The following PDE8B variants were observed in gnomAD, a reference collection of about 807,000 sequenced individuals.
PDE8B encodes the protein phosphodiesterase 8B.
PDE8B carries 26 observed loss-of-function variants against 101.3 expected under a neutral mutation model. That is an observed-to-expected ratio of 0.26 (90% CI 0.19 to 0.36). The LOEUF is 0.36. PDE8B is among the 10% of genes least tolerant of loss of function. PDE8B has a pLI of 1.00. For synonymous variants in PDE8B, 424 were observed against 429.3 expected (o/e 0.99, Z 0.15); for missense variants, 810 against 1,163.1 (o/e 0.70, Z 4.42).
chr5:77,135,326 C>T, the PDE8B span, among the ~76,000 whole-genome samples: 43 of 152,218 alleles, frequency 2.8e-4, no homozygotes, highest in Non-Finnish European at 4.4e-4. Context: ...CTAATCTCAT[C>T]TTGACATCTA....
At position 77,211,222 on chromosome 5, in the gene PDE8B, C is replaced by T. The variant is rs1181101523; in HGVS notation, c.297C>T (p.Ser99=). ...TSRGRRRHCC[S]SAEAETQTCY... ...GGGGCCGGAGGCGCCACTGCTGCAGCAGCGCCGAGGCCGAGACTCAGACCT... is the reference window on the plus strand; with the variant it reads ...GGGGCCGGAGGCGCCACTGCTGCAGTAGCGCCGAGGCCGAGACTCAGACCT... The change falls in exon 1 of 22, where the codon AGC becomes AGT. Residue 99 remains serine, a synonymous_variant. Coordinates refer to ENST00000264917, the MANE Select transcript of PDE8B (RefSeq NM_003719.5). This position sits in a 1 kb window ranked among gnomAD's most constrained non-coding sequence, Gnocchi z 4.1. The T allele has an allele frequency of 6.4e-7, 1 of 1,572,870 alleles. No individual in the cohort carries two copies. The highest frequency in any genetic ancestry group is 1.1e-5 in the South Asian group (1 of 87,592).
At chr5:77,196,287 C>A in the PDE8B span, among the ~76,000 whole-genome samples, 3 of 152,062 alleles carry the variant, frequency 2.0e-5, no homozygotes, top group Admixed American at 1.3e-4. Flanking sequence ...TTGATGAAGT[C>A]CAGTTTAGTT....
the PDE8B span, among the ~76,000 whole-genome samples, chr5:77,173,527 GAAAAAGC>G: frequency 6.6e-6 from 1 of 152,058 alleles, no homozygotes; most frequent in African/African-American, 2.4e-5. Context: ...GTAATGGGAG[GAAAAAGC>G]AATTTGGGGA....
chr5:77,161,892 G>A, the PDE8B span, among the ~76,000 whole-genome samples: 3 of 151,024 alleles, frequency 2.0e-5, no homozygotes, highest in East Asian at 5.8e-4. Context: ...ATCTTTTTAT[G>A]TGCTTATTGG....
chr5:77,180,788 C>T, the PDE8B span, among the ~76,000 whole-genome samples: 3 of 152,206 alleles, frequency 2.0e-5, no homozygotes, highest in Admixed American at 6.5e-5. Flanking sequence ...TCAGCAGGAG[C>T]TGGACCTGTT....
the PDE8B span, among the ~76,000 whole-genome samples, chr5:77,185,519 A>T: frequency 6.6e-6 from 1 of 152,134 alleles, no homozygotes; most frequent in Admixed American, 6.5e-5. Flanking sequence ...TCTATCTCCA[A>T]ATACAGTTAC....
At chr5:77,156,407 A>G in the PDE8B span, among the ~76,000 whole-genome samples, 2 of 152,240 alleles carry the variant, frequency 1.3e-5, no homozygotes, top group African/African-American at 2.4e-5. Flanking sequence ...CAGACTGTCA[A>G]TGTAGGTAGA....
chr5:77,292,365 G>A (rs1290575322), intron 1 of PDE8B, among the ~76,000 whole-genome samples: 1 of 152,118 alleles, frequency 6.6e-6, no homozygotes, highest in Non-Finnish European at 1.5e-5. Context: ...CAGAGGAAAG[G>A]GGACAGCAAT....
chr5:77,147,132 A>G, the PDE8B span: 1 of 274,156 alleles, frequency 3.6e-6, no homozygotes, highest in Non-Finnish European at 6.8e-6. Flanking sequence ...GAAGAAGAGG[A>G]AGATGAAGAT....
intron 1 of PDE8B, among the ~76,000 whole-genome samples, chr5:77,223,609 G>T (rs1353202491): frequency 6.6e-6 from 1 of 152,068 alleles, no homozygotes; most frequent in Admixed American, 6.5e-5. Context: ...GCATAGCACA[G>T]TAGTGGTGTT....
At chr5:77,369,101 A>G (rs1160013899) in intron 10 of PDE8B, among the ~76,000 whole-genome samples, 1 of 150,402 alleles carries the variant, frequency 6.6e-6, no homozygotes, top group Non-Finnish European at 1.5e-5. Flanking sequence ...TATTCCAGAG[A>G]CTGAGGCAGG....
rs188165436 is a variant in PDE8B, at chr5:77,383,082, C to T, written c.1168-17166C>T. Among the ~76,000 whole-genome samples the T allele has an allele frequency of 5.3e-5, 8 of 152,360 alleles. No homozygotes were observed. In the East Asian group the frequency reaches 1.5e-3, roughly 29 times the overall value. On this transcript the variant is annotated intron_variant, in intron 10 of 21. Transcript: ENST00000264917. ...GTGTAAAAGTGTTCCTATTTCTCCA[C>T]ATCCTCTCCAGCATCTGTTGTTTCC...
intron 1 of PDE8B, among the ~76,000 whole-genome samples, chr5:77,245,595 T>C (rs887608862): frequency 1.3e-5 from 2 of 152,190 alleles, no homozygotes; most frequent in African/African-American, 4.8e-5. Context: ...CCTCTTTCTC[T>C]TTGGTCTTTA....
At chr5:77,391,980 C>T (rs1201546049) in intron 10 of PDE8B, among the ~76,000 whole-genome samples, 1 of 152,106 alleles carries the variant, frequency 6.6e-6, no homozygotes, top group Non-Finnish European at 1.5e-5. Flanking sequence ...CAGTAAGTAG[C>T]TGTATAGCAA....
chr5:77,397,022 A>C (rs896121046), intron 10 of PDE8B, among the ~76,000 whole-genome samples: 10 of 118,542 alleles, frequency 8.4e-5, no homozygotes, highest in Non-Finnish European at 1.7e-4. Context: ...ATTTCCGATA[A>C]GAAATTTTTT....
Position 77,351,116 on chromosome 5 carries a change from C to T in PDE8B, c.1069C>T (p.Gln357Ter). 6.2e-7 allele frequency: 1 copy of T among 1,614,084 alleles called. No homozygotes were observed. The highest frequency in any genetic ancestry group is 8.5e-7 in the Non-Finnish European group (1 of 1,179,922). The change falls in exon 9 of 22, where the codon CAG becomes TAG. Residue 357 changes from glutamine to a stop codon, truncating the protein, a stop_gained. Coordinates refer to ENST00000264917, the MANE Select transcript of PDE8B (RefSeq NM_003719.5). LOFTEE classifies it high-confidence loss of function. ...ACGGAAATCCGGGGACAGCATCCAA[C>T]AGCACGTGAAGATCACCCCAGTGAT... is the stretch of plus-strand genomic sequence containing the variant. ...ARRKSGDSIQ[Q>*]HVKITPVIGQ...
chr5:77,423,622 GTTTTGTTTAGTTTTTT>G, intron 20 of PDE8B, among the ~76,000 whole-genome samples: 1 of 51,836 alleles, frequency 1.9e-5, no homozygotes, highest in African/African-American at 5.2e-5. Context: ...CTGGACTTTT[GTTTTGTTTAGTTTTTT>G]TTTTTTTTTT....
At chr5:77,291,527 T>C (rs1243116846) in intron 1 of PDE8B, 1 of 1,606,292 alleles carries the variant, frequency 6.2e-7, no homozygotes, top group Non-Finnish European at 8.5e-7. Context: ...TTGCATGGAA[T>C]ACTGAAGTAA....
At position 77,210,739 on chromosome 5, in the gene PDE8B, C is replaced by A. The variant is rs1480566764; in HGVS notation, c.-187C>A. The A allele has an allele frequency of 9.2e-6, 9 of 981,754 alleles. No individual in the cohort carries two copies. The highest frequency in any genetic ancestry group is 9.7e-6 in the Non-Finnish European group (8 of 828,872). 60.8% of individuals were successfully genotyped at this position (981,754 alleles called of 1,614,324 possible). On this transcript the variant is annotated 5_prime_UTR_variant, in exon 1 of 22. Coordinates refer to ENST00000264917, the MANE Select transcript of PDE8B (RefSeq NM_003719.5). The surrounding 1 kb of genome is among the most constrained non-coding windows in gnomAD (Gnocchi z 4.9). ...GGCCCAAAAGGGAAAGTTGGGGTGA[C>A]GCGCGCGGTCCCCGGAGGCTCGGCG...
Sources: allele counts gnomAD v4.1 joint callset (sites outside exome capture counted in the v4.1 genomes callset), GRCh38; gene constraint gnomAD v4.1.1; non-coding constraint Gnocchi (gnomAD v3.1); transcripts MANE v1.5; gene names NCBI Gene and HGNC (gene_info 2026-07-23, HGNC 2026-07-21).